The following AOC1 variants were observed in gnomAD, a reference collection of about 807,000 sequenced individuals.
AOC1 encodes amine oxidase copper containing 1, also known as diamine oxidase [copper-containing].
A neutral mutation model predicts 57.1 loss-of-function variants in AOC1; 58 were observed. The ratio of observed to expected loss-of-function variants is 1.02; its 90% confidence interval spans 0.82 to 1.26. The LOEUF is 1.26. AOC1 is among the 50% of genes most tolerant of loss of function. AOC1 has a pLI of 0.00. For missense variants in AOC1, 917 were observed against 1,005.3 expected, an observed-to-expected ratio of 0.91 and a Z score of 1.19; for synonymous variants, 401 against 423.4, an observed-to-expected ratio of 0.95 and a Z score of 0.65.
rs781356994 is a variant in AOC1, at chr7:150,860,623, T to C, written c.1979T>C (p.Ile660Thr). ...FEQFLHNNEN[I>T]ENEDLVAWVT... ...CAGTTTCTTCACAACAACGAGAACA[T>C]TGAAAATGAGGTACTGCCCTGTCCC... The change falls in exon 4 of 5, where the codon ATT (isoleucine) becomes ACT (threonine). Residue 660 changes from isoleucine to threonine, a missense_variant. Coordinates refer to ENST00000360937, the MANE Select transcript of AOC1 (RefSeq NM_001091.4). 23 of 1,613,720 alleles carry C rather than the reference T, an allele frequency of 1.4e-5. No individual in the cohort carries two copies. In the East Asian group the frequency reaches 2.2e-4, roughly 16 times the overall value.
At chr7:150,860,331 C>T in intron 3 of AOC1, 170 bp from the exon 4 acceptor site, 1 of 1,209,630 alleles carries the variant, frequency 8.3e-7, no homozygotes, top group South Asian at 1.5e-5. Flanking sequence ...TGTGGGTCAC[C>T]TGAACCCGGT....
intron 1 of AOC1, among the ~76,000 whole-genome samples, chr7:150,854,445 T>C (rs1799714588): frequency 6.6e-6 from 1 of 152,184 alleles, no homozygotes; most frequent in Admixed American, 6.5e-5. Context: ...GAACTGCCCA[T>C]CGTGTACAAA....
At chr7:150,853,194 G>A (rs1423333133) in intron 1 of AOC1, among the ~76,000 whole-genome samples, 1 of 152,200 alleles carries the variant, frequency 6.6e-6, no homozygotes, top group Admixed American at 6.5e-5. Flanking sequence ...GTGGATCCAT[G>A]TCATTGTCCG....
intron 2 of AOC1, among the ~76,000 whole-genome samples, chr7:150,858,271 G>A (rs1258029323): frequency 6.6e-6 from 1 of 152,154 alleles, no homozygotes; most frequent in African/African-American, 2.4e-5. Context: ...CTGACCCTGG[G>A]GCTGTGCATG....
intron 3 of AOC1, 183 bp from the exon 4 acceptor site, chr7:150,860,318 T>C: frequency 1.0e-6 from 1 of 965,440 alleles, no homozygotes; most frequent in Non-Finnish European, 1.5e-6. Context: ...CGGGGAGGAC[T>C]CCTGTGGGTC....
At chr7:150,853,470 AC>A (rs1247177206) in intron 1 of AOC1, among the ~76,000 whole-genome samples, 1 of 152,068 alleles carries the variant, frequency 6.6e-6, no homozygotes, top group African/African-American at 2.4e-5. Context: ...TTGTTAAAAG[AC>A]TTTTAATAGA....
At chr7:150,853,683 ATATATATATATATATTTATT>A (rs1263772070) in intron 1 of AOC1, among the ~76,000 whole-genome samples, 2 of 69,710 alleles carry the variant, frequency 2.9e-5, no homozygotes, top group Admixed American at 2.3e-4. Context: ...ATATATATAT[ATATATATATATATATTTATT>A]TATTTATTTA....
At chr7:150,859,206 TG>T (rs1799890426) in intron 3 of AOC1, among the ~76,000 whole-genome samples, 158 bp downstream of exon 3, 2 of 151,974 alleles carry the variant, frequency 1.3e-5, no homozygotes, top group East Asian at 1.9e-4. Context: ...CTGAACAATA[TG>T]GGGGGTAGGG....
chr7:150,853,671 A>C (rs1584794966), intron 1 of AOC1, among the ~76,000 whole-genome samples: 1 of 23,172 alleles, frequency 4.3e-5, no homozygotes, highest in South Asian at 1.4e-3. Context: ...CTATATATAT[A>C]TATATATATA....
At chr7:150,853,661 C>CTATATATATATATA (rs201712777) in intron 1 of AOC1, among the ~76,000 whole-genome samples, 14 of 62,758 alleles carry the variant, frequency 2.2e-4, no homozygotes, top group East Asian at 1.0e-3. Flanking sequence ...GAGATCCTGA[C>CTATATATATATATA]TATATATATA....
Position 150,857,913 on chromosome 7 carries a change from C to T in AOC1, c.1443C>T (p.Ala481=). 6.2e-7 allele frequency: 1 copy of T among 1,613,196 alleles called. No homozygotes were observed. The highest frequency in any genetic ancestry group is 8.5e-7 in the Non-Finnish European group (1 of 1,179,706). The change falls in exon 2 of 5, where the codon GCC becomes GCT. Residue 481 remains alanine (A), a synonymous_variant. Coordinates refer to ENST00000360937, the MANE Select transcript of AOC1 (RefSeq NM_001091.4). The surrounding 1 kb of genome is among the most constrained non-coding windows in gnomAD (Gnocchi z 6.6). ...GGGTGATGGAGGCCAAGATGCATGC[C>T]ACTGGCTACGTCCACGCCACCTTCT... ...PNGVMEAKMH[A]TGYVHATFYT...
At chr7:150,860,877 G>A in intron 4 of AOC1, 66 bp from the exon 5 acceptor site, 1 of 1,544,896 alleles carries the variant, frequency 6.5e-7, no homozygotes, top group Admixed American at 1.9e-5. Flanking sequence ...AATGACCAAA[G>A]GCTAGAGTGG....
At position 150,857,657 on chromosome 7, in the gene AOC1, C is replaced by T. The variant is rs1233578419; in HGVS notation, c.1187C>T (p.Thr396Ile). ...GGCATCGACTGCCCGGAGACCGCCA[C>T]CTTCCTGGACACTTTCCACTACTAT... ...APGIDCPETA[T>I]FLDTFHYYDA... The change falls in exon 2 of 5, where the codon ACC becomes ATC. Residue 396 changes from threonine (T) to isoleucine (I), a missense_variant. Coordinates refer to ENST00000360937, the MANE Select transcript of AOC1 (RefSeq NM_001091.4). This position sits in a 1 kb window ranked among gnomAD's most constrained non-coding sequence, Gnocchi z 6.6. 8 of 1,614,050 alleles carry T rather than the reference C, an allele frequency of 5.0e-6. No homozygotes were observed. The African/African-American group carries it at 6.7e-5, about 13-fold the overall frequency.
Position 150,857,493 on chromosome 7 carries a change from C to T in AOC1, c.1023C>T (p.Phe341=), listed in dbSNP as rs553084982. Residue 341 remains phenylalanine (F), a synonymous_variant, in exon 2 of 5, where the codon TTC becomes TTT. Transcript: ENST00000360937. The surrounding 1 kb of genome is among the most constrained non-coding windows in gnomAD (Gnocchi z 6.6). ...GGCTGCAGGTCCTGAACGTGCACTT[C>T]GGCGGAGAGCGCATTGCCTATGAGG... The part of the protein sequence containing the change: ...SSGLQVLNVH[F]GGERIAYEVS... The T allele has an allele frequency of 2.5e-6, 4 of 1,613,526 alleles. No individual in the cohort carries two copies. Among genetic ancestry groups the T allele is most frequent in the East Asian group, 2.2e-5 (1 of 44,880 alleles).
Position 150,856,386 on chromosome 7 carries a change from G to T in AOC1, c.-16-69G>T. 1 of 1,505,080 alleles carries T rather than the reference G, an allele frequency of 6.6e-7. No homozygotes were observed. The highest frequency in any genetic ancestry group is 2.1e-5 in the Admixed American group (1 of 47,984). 93.2% of individuals were successfully genotyped at this position (1,505,080 alleles called of 1,614,324 possible). On this transcript the variant is annotated intron_variant, in intron 1 of 4. Coordinates refer to ENST00000360937, the MANE Select transcript of AOC1 (RefSeq NM_001091.4). This position sits in a 1 kb window ranked among gnomAD's most constrained non-coding sequence, Gnocchi z 5.2. ...GCTCAGTCCATGGGAAAATTCCATG[G>T]CCCTAACCTGAGGGAAGCCCATCTC...
In AOC1 at chr7:150,856,607, G is replaced by A; in HGVS notation, c.137G>A (p.Ser46Asn). 1 of 1,614,148 alleles carries A rather than the reference G, an allele frequency of 6.2e-7. No homozygotes were observed. The highest frequency in any genetic ancestry group is 8.5e-7 in the Non-Finnish European group (1 of 1,179,986). Residue 46 changes from serine (S) to asparagine (N), a missense_variant, in exon 2 of 5, where the codon AGC becomes AAC. Transcript: ENST00000360937. The surrounding 1 kb of genome is among the most constrained non-coding windows in gnomAD (Gnocchi z 5.2). ...AACCAAGAGCTGAAGGCAGTGCACA[G>A]CTTCCTCTGGTCCAAGAAGGAGCTG... The part of the protein sequence containing the change: ...LSNQELKAVH[S>N]FLWSKKELRL...
Position 150,857,334 on chromosome 7 carries a change from C to T in AOC1, c.864C>T (p.Arg288=), listed in dbSNP as rs759829314. Residue 288 remains arginine, a synonymous_variant, in exon 2 of 5, where the codon CGC becomes CGT. Coordinates refer to ENST00000360937, the MANE Select transcript of AOC1 (RefSeq NM_001091.4). The surrounding 1 kb of genome is among the most constrained non-coding windows in gnomAD (Gnocchi z 6.6). Reference sequence around the variant, plus strand: ...CCCTCTTCTCCTCCCACAAGCCCCGCGGGGACTTCCCCAGCCCCATCCATG... The same window carrying T: ...CCCTCTTCTCCTCCCACAAGCCCCGTGGGGACTTCCCCAGCCCCATCCATG... ...EPPLFSSHKP[R]GDFPSPIHVS... 3.3e-5 allele frequency: 53 copies of T among 1,600,970 alleles called. No individual in the cohort carries two copies. The highest frequency in any genetic ancestry group is 3.9e-5 in the Non-Finnish European group (46 of 1,172,146).
rs1416847451 is a variant in AOC1, at chr7:150,858,811, C to T, written c.1619C>T (p.Thr540Ile). The T allele has an allele frequency of 6.2e-6, 10 of 1,612,406 alleles. No homozygotes were observed. The highest frequency in any genetic ancestry group is 8.5e-6 in the Non-Finnish European group (10 of 1,178,640). Residue 540 changes from threonine (T) to isoleucine (I), a missense_variant, in exon 3 of 5, where the codon ACC (threonine) becomes ATC (isoleucine). Physicochemically the swap from Thr to Ile is moderately conservative, Grantham distance 89 (BLOSUM62 -1). Transcript: ENST00000360937. Reference protein sequence around the residue: ...QTLQMKLENITNPWSPRHRVV... With the variant: ...QTLQMKLENIINPWSPRHRVV... The stretch of plus-strand genomic sequence containing the variant: ...CTGCAGATGAAGCTAGAAAACATCA[C>T]CAACCCCTGGAGCCCAAGACACCGC...
rs1034043121 is a variant in AOC1, at chr7:150,857,925, C to T, written c.1455C>T (p.Val485=). 5 of 1,612,516 alleles carry T rather than the reference C, an allele frequency of 3.1e-6. No individual in the cohort carries two copies. The highest frequency in any genetic ancestry group is 3.4e-6 in the Non-Finnish European group (4 of 1,179,670). ...CCAAGATGCATGCCACTGGCTACGT[C>T]CACGCCACCTTCTACACCCCCGAGG... is the stretch of plus-strand genomic sequence containing the variant. ...MEAKMHATGY[V]HATFYTPEGL... is the part of the protein sequence containing the mutation. The change falls in exon 2 of 5, where the codon GTC becomes GTT. Residue 485 remains valine (V), a synonymous_variant. Coordinates refer to ENST00000360937, the MANE Select transcript of AOC1 (RefSeq NM_001091.4). This position sits in a 1 kb window ranked among gnomAD's most constrained non-coding sequence, Gnocchi z 6.6.
Sources: gnomAD v4.1 joint callset for allele counts (sites outside exome capture counted in the v4.1 genomes callset) on GRCh38, gnomAD v4.1.1 for gene constraint, Gnocchi (gnomAD v3.1) non-coding constraint, MANE v1.5 for transcripts, NCBI Gene and HGNC (gene_info 2026-07-23, HGNC 2026-07-21) for gene names.